The following ATR variants were observed in gnomAD, a reference collection of about 807,000 sequenced individuals.
ATR encodes the protein ATR checkpoint kinase.
A neutral mutation model predicts 305.3 loss-of-function variants in ATR; 142 were observed. That is an observed-to-expected ratio of 0.47 (90% CI 0.41 to 0.53). The LOEUF is 0.53. ATR is among the 20% of genes least tolerant of loss of function. The pLI is 0.00. For synonymous variants in ATR, 1,050 were observed against 1,068.1 expected, an observed-to-expected ratio of 0.98 and a Z score of 0.33; for missense variants, 2,135 against 3,133.1, an observed-to-expected ratio of 0.68 and a Z score of 7.60.
rs183696002 is a variant in ATR at position 142,572,542 on chromosome 3, G to T, written c.60-4388C>A. 9.5e-4 allele frequency among the ~76,000 whole-genome samples: 145 copies of T among 152,022 alleles called. 2 individuals carry two copies. The highest frequency in any genetic ancestry group is 3.4e-3 in the African/African-American group (140 of 41,472). On this transcript the variant is annotated intron_variant, in intron 1 of 46. Coordinates refer to ENST00000350721, the MANE Select transcript of ATR (RefSeq NM_001184.4). The stretch of plus-strand genomic sequence containing the variant: ...AATCCCAGTGCTTTGGGAGTCCAAG[G>T]TGGGCAGACTGCTTGAGCTCAGGAG...
chr3:142,472,891 G>C (rs1293784334), intron 36 of ATR, among the ~76,000 whole-genome samples: 1 of 152,102 alleles, frequency 6.6e-6, no homozygotes, highest in Non-Finnish European at 1.5e-5. Context: ...CCATCTGCCT[G>C]AGCCTCTCAA....
intron 19 of ATR, among the ~76,000 whole-genome samples, chr3:142,537,007 C>A (rs2033884765): frequency 6.6e-6 from 1 of 152,136 alleles, no homozygotes; most frequent in Admixed American, 6.6e-5. Flanking sequence ...TCCTAGTCTT[C>A]ATTAACTCAT....
chr3:142,456,983 C>T (rs1453697362), intron 45 of ATR, among the ~76,000 whole-genome samples: 1 of 152,130 alleles, frequency 6.6e-6, no homozygotes, highest in Non-Finnish European at 1.5e-5. Context: ...AACATATGTC[C>T]ACATAAAACT....
intron 1 of ATR, among the ~76,000 whole-genome samples, chr3:142,571,503 ATAAATAAT>A (rs1366901400): frequency 6.8e-5 from 8 of 118,060 alleles, no homozygotes; most frequent in Admixed American, 2.7e-4. Context: ...AAATAAATAA[ATAAATAAT>A]CAAAAGCAAG....
chr3:142,542,839 C>A, intron 16 of ATR, 82 bp from the exon 17 acceptor site: 7 of 1,160,250 alleles, frequency 6.0e-6, no homozygotes, highest in South Asian at 1.4e-5. Context: ...TAATTAATGT[C>A]ATTTATATTT....
chr3:142,456,376 T>A (rs1020606248), intron 45 of ATR, among the ~76,000 whole-genome samples: 2 of 152,138 alleles, frequency 1.3e-5, no homozygotes, highest in African/African-American at 4.8e-5. Context: ...AAGACCAGCC[T>A]GGCCAACGTG....
At chr3:142,558,260 C>T (rs375294998) in intron 8 of ATR, among the ~76,000 whole-genome samples, 2 of 151,926 alleles carry the variant, frequency 1.3e-5, no homozygotes, top group Admixed American at 6.6e-5. Context: ...TGGTGGCTCA[C>T]GCCTGTAATC....
intron 37 of ATR, 37 bp from the exon 38 acceptor site, chr3:142,469,606 AAG>A: frequency 6.5e-7 from 1 of 1,547,612 alleles, no homozygotes; most frequent in Non-Finnish European, 8.9e-7. Context: ...CAATAAAGGA[AAG>A]AGAAAAATCA....
intron 25 of ATR, among the ~76,000 whole-genome samples, 200 bp downstream of exon 25, chr3:142,515,195 C>G (rs1227185094): frequency 6.6e-6 from 1 of 152,022 alleles, no homozygotes; most frequent in African/African-American, 2.4e-5. Context: ...CTTGGTAAAA[C>G]AATTACTTTT....
intron 19 of ATR, among the ~76,000 whole-genome samples, chr3:142,537,287 T>C (rs2033895551): frequency 6.6e-6 from 1 of 151,946 alleles, no homozygotes; most frequent in Non-Finnish European, 1.5e-5. Context: ...GAGATGAGGT[T>C]CTCACTATGT....
intron 46 of ATR, chr3:142,449,883 T>A: frequency 2.2e-6 from 1 of 451,062 alleles, no homozygotes; most frequent in Non-Finnish European, 4.1e-6. Context: ...AGAAAAATAA[T>A]TTTTTAAATC....
intron 36 of ATR, among the ~76,000 whole-genome samples, chr3:142,476,469 C>T (rs565962571): frequency 1.3e-3 from 203 of 152,188 alleles, no homozygotes; most frequent in Middle Eastern, 6.8e-3. Context: ...GTTTTGGTAC[C>T]AGTACCATGC....
At chr3:142,538,930 T>A (rs974660585) in intron 18 of ATR, among the ~76,000 whole-genome samples, 2 of 152,090 alleles carry the variant, frequency 1.3e-5, no homozygotes, top group African/African-American at 2.4e-5. Context: ...AAAATAGATA[T>A]CTGTAGAGGT....
chr3:142,512,240 A>T lies in ATR; in HGVS notation c.4852+20T>A, dbSNP rs2108370853. Reference sequence around the variant, plus strand: ...ATAGCTAAAAAAAAAAAAAAAAAAGAAACAGAAGTGATAACTCACCCATTG... The same window carrying T: ...ATAGCTAAAAAAAAAAAAAAAAAAGTAACAGAAGTGATAACTCACCCATTG... On this transcript the variant is annotated intron_variant, in intron 27 of 46. Transcript: ENST00000350721. 1.3e-6 allele frequency: 2 copies of T among 1,561,786 alleles called. No individual in the cohort carries two copies. The highest frequency in any genetic ancestry group is 1.8e-6 in the Non-Finnish European group (2 of 1,142,810).
intron 32 of ATR, 77 bp downstream of exon 32, chr3:142,498,520 T>C (rs776769131): frequency 5.7e-6 from 8 of 1,411,872 alleles, no homozygotes; most frequent in Non-Finnish European, 7.9e-6. Flanking sequence ...CTATCAATTA[T>C]TTACTCAAAA....
chr3:142,536,006 T>C (rs1259775637), intron 20 of ATR, 102 bp downstream of exon 20: 5 of 829,756 alleles, frequency 6.0e-6, no homozygotes, highest in South Asian at 1.4e-5. Flanking sequence ...AGGACTATAT[T>C]ATCCCTAGAT....
chr3:142,503,439 A>G lies in ATR; in HGVS notation c.5211T>C (p.His1737=), dbSNP rs370153176. Residue 1737 remains histidine, a synonymous_variant, in exon 30 of 47, where the codon CAT becomes CAC. Coordinates refer to ENST00000350721, the MANE Select transcript of ATR (RefSeq NM_001184.4). ...GACCTAACATGGACTTTACTACACC[A>G]TGATAATGAATGATCTAGAAATTTA... ...QLEPDQIIHY[H]GVVKSMLGLG... is the part of the protein sequence containing the mutation. 4.4e-6 allele frequency: 7 copies of G among 1,591,398 alleles called. No individual in the cohort carries two copies. The highest frequency in any genetic ancestry group is 6.0e-6 in the Non-Finnish European group (7 of 1,160,726).
In ATR at chr3:142,467,978, C is replaced by T; in HGVS notation, c.6643G>A (p.Ala2215Thr). The T allele has an allele frequency of 6.2e-7, 1 of 1,613,014 alleles. No individual in the cohort carries two copies. The highest frequency in any genetic ancestry group is 8.5e-7 in the Non-Finnish European group (1 of 1,179,474). The change falls in exon 39 of 47, where the codon GCA becomes ACA. Residue 2215 changes from alanine (A) to threonine (T), a missense_variant. By Grantham distance (58) the Ala-to-Thr change is moderately conservative. Transcript: ENST00000350721. ...AGAAGCTTATCTGTTAGGCGAGTTG[C>T]ATCTCCAACAAACTTCTCTAAGGAT... ...KKSLEKFVGD[A>T]TRLTDKLLEL...
chr3:142,502,252 A>C (rs2032006237), intron 30 of ATR, among the ~76,000 whole-genome samples: 1 of 152,376 alleles, frequency 6.6e-6, no homozygotes, highest in South Asian at 2.1e-4. Context: ...TCTACCAAAA[A>C]GATACATACA....
Sources: allele counts gnomAD v4.1 joint callset (sites outside exome capture counted in the v4.1 genomes callset), GRCh38; gene constraint gnomAD v4.1.1; transcripts MANE v1.5; gene names NCBI Gene and HGNC (gene_info 2026-07-23, HGNC 2026-07-21).